Variants in ZBTB43 observed in about 807,000 individuals in gnomAD.
ZBTB43 encodes the protein zinc finger and BTB domain containing 43.
A neutral mutation model predicts 31.1 loss-of-function variants in ZBTB43; 6 were observed. The ratio of observed to expected loss-of-function variants is 0.19; its 90% CI spans 0.11 to 0.38. The LOEUF is 0.38. ZBTB43 is among the 10% of genes least tolerant of loss of function. The pLI, the probability that ZBTB43 is intolerant of heterozygous loss-of-function variation, is 1.00. For missense variants in ZBTB43, 379 were observed against 602.1 expected (o/e 0.63, Z 3.88); for synonymous variants, 212 against 221.7 (o/e 0.96, Z 0.39).
intron 2 of ZBTB43, among the ~76,000 whole-genome samples, chr9:126,814,450 A>T (rs1245261545): frequency 2.7e-5 from 4 of 148,710 alleles, no homozygotes; most frequent in African/African-American, 7.4e-5. Flanking sequence ...TTTTTTTTTT[A>T]AACTTTTGAC....
chr9:126,830,733 G>A (rs2032746342), intron 2 of ZBTB43, among the ~76,000 whole-genome samples: 1 of 151,066 alleles, frequency 6.6e-6, no homozygotes, highest in African/African-American at 2.5e-5. Flanking sequence ...TAAATCGTTT[G>A]GGTGGTTTTT....
intron 1 of ZBTB43, among the ~76,000 whole-genome samples, chr9:126,808,452 C>T (rs1049245493): frequency 6.6e-6 from 1 of 152,260 alleles, no homozygotes; most frequent in Non-Finnish European, 1.5e-5. Context: ...AGACCAATAG[C>T]ACTGTTCCAA....
chr9:126,828,645 A>ATTATTATTATTATTATTATT (rs1564206207), intron 2 of ZBTB43, among the ~76,000 whole-genome samples: 17 of 131,512 alleles, frequency 1.3e-4, no homozygotes, highest in African/African-American at 4.5e-4. Context: ...TAATAATAAT[A>ATTATTATTATTATTATTATT]ATAATAATAA....
rs1157254909 is a variant in ZBTB43 at position 126,813,000 on chromosome 9, G to A, written c.-24+4085G>A. On this transcript the variant is annotated intron_variant, in intron 2 of 2. Coordinates refer to ENST00000373464, the MANE Select transcript of ZBTB43 (RefSeq NM_014007.4). Reference sequence around the variant, plus strand: ...CTTTTTTTTTTTTTCTTTTTTTTGAGATGTAGTTTTGCTCTTGTTGCCCAG... The same window carrying A: ...CTTTTTTTTTTTTTCTTTTTTTTGAAATGTAGTTTTGCTCTTGTTGCCCAG... 4.7e-5 allele frequency among the ~76,000 whole-genome samples: 7 copies of A among 147,854 alleles called. No individual in the cohort carries two copies. In the East Asian group the frequency reaches 1.4e-3, roughly 29 times the overall value.
At position 126,832,924 on chromosome 9, in the gene ZBTB43, G is replaced by A. The variant is rs1259665074; in HGVS notation, c.415G>A (p.Asp139Asn). The change falls in exon 3 of 3, where the codon GAC (aspartate) becomes AAC (asparagine). Residue 139 changes from aspartate to asparagine, a missense_variant. By Grantham distance (23) the Asp-to-Asn change is conservative. This residue lies in a region of ZBTB43 where 253 missense variants were observed against 322.3 expected (regional missense o/e 0.79). Transcript: ENST00000373464. ...TTGTCAGAAGCTAAATCATGGCAGT[G>A]ACCACCAGTCACCAAGCAGCAGTAG... ...VLCQKLNHGS[D>N]HQSPSSSSYN... The A allele has an allele frequency of 2.5e-6, 4 of 1,613,912 alleles. No individual in the cohort carries two copies. The East Asian group carries it at 6.7e-5, about 27-fold the overall frequency.
In ZBTB43 at chr9:126,819,902, T is replaced by C. The variant is rs1017706307; in HGVS notation, c.-24+10987T>C. 1.1e-3 allele frequency among the ~76,000 whole-genome samples: 165 copies of C among 152,336 alleles called. 1 individual carries two copies. The highest frequency in any genetic ancestry group is 3.8e-4 in the Non-Finnish European group (26 of 68,028). ...GCAGCCTTAGTGCTGAGAGAAAGTT[T>C]TAGTGGTCTGAATGGAAGGTCATAC... On this transcript the variant is annotated intron_variant, in intron 2 of 2. Transcript: ENST00000373464.
chr9:126,817,768 G>T (rs568183439), intron 2 of ZBTB43, among the ~76,000 whole-genome samples: 1 of 152,134 alleles, frequency 6.6e-6, no homozygotes, highest in Non-Finnish European at 1.5e-5. Flanking sequence ...GAGCCACTGC[G>T]CCTGGCCCCA....
At chr9:126,812,975 C>CTTT (rs773159172) in intron 2 of ZBTB43, among the ~76,000 whole-genome samples, 1 of 143,700 alleles carries the variant, frequency 7.0e-6, no homozygotes, top group African/African-American at 2.6e-5. Flanking sequence ...CCCACTGTTA[C>CTTT]TTTTTTTTTT....
At position 126,825,842 on chromosome 9, in the gene ZBTB43, A is replaced by ATTTT. The variant is rs72512629; in HGVS notation, c.-23-6627_-23-6624dup. On this transcript the variant is annotated intron_variant, in intron 2 of 2. Coordinates refer to ENST00000373464, the MANE Select transcript of ZBTB43 (RefSeq NM_014007.4). ...CTTTTTCCATTTGGTTCCTTTTTATATTTTTTTTTTTTTTTTTTTTTGAGA... is the reference window on the plus strand; with the variant it reads ...CTTTTTCCATTTGGTTCCTTTTTATATTTTTTTTTTTTTTTTTTTTTTTTTGAGA... Among the ~76,000 whole-genome samples, 13 of 91,200 alleles carry ATTTT rather than the reference A, an allele frequency of 1.4e-4. 1 individual carries two copies. Among genetic ancestry groups the ATTTT allele is most frequent in the African/African-American group, 4.2e-4 (11 of 26,206 alleles). 59.8% of individuals were successfully genotyped at this position (91,200 alleles called of 152,430 possible).
At position 126,833,852 on chromosome 9, in the gene ZBTB43, C is replaced by T. The variant is rs760867054; in HGVS notation, c.1343C>T (p.Thr448Ile). 6.2e-7 allele frequency: 1 copy of T among 1,600,924 alleles called. No individual in the cohort carries two copies. The highest frequency in any genetic ancestry group is 1.1e-5 in the South Asian group (1 of 90,910). Residue 448 changes from threonine (T) to isoleucine (I), a missense_variant, in exon 3 of 3, where the codon ACT becomes ATT. This residue lies in a region of ZBTB43 where 21 missense variants were observed against 22.4 expected (regional missense o/e 0.94). Coordinates refer to ENST00000373464, the MANE Select transcript of ZBTB43 (RefSeq NM_014007.4). This position sits in a 1 kb window ranked among gnomAD's most constrained non-coding sequence, Gnocchi z 7.9. ...AGGGACAGTTTCCACCGGCATGTGACTTCTTGTACTAAGTCCTACGAAGCT... is the reference window on the plus strand; with the variant it reads ...AGGGACAGTTTCCACCGGCATGTGATTTCTTGTACTAAGTCCTACGAAGCT... ...MWRDSFHRHVTSCTKSYEAAK... is the reference protein window; with the variant it reads ...MWRDSFHRHVISCTKSYEAAK...
chr9:126,814,133 A>G (rs955794503), intron 2 of ZBTB43, among the ~76,000 whole-genome samples: 1 of 152,048 alleles, frequency 6.6e-6, no homozygotes, highest in Admixed American at 6.6e-5. Flanking sequence ...GGATACTTAT[A>G]TTTCCTGCTA....
At chr9:126,809,513 G>A (rs2032196559) in intron 2 of ZBTB43, among the ~76,000 whole-genome samples, 1 of 152,186 alleles carries the variant, frequency 6.6e-6, no homozygotes, top group Non-Finnish European at 1.5e-5. Context: ...TAAGTAGCTG[G>A]TGGGTCTGCT....
chr9:126,832,914 T>C lies in ZBTB43; in HGVS notation c.405T>C (p.Asn135=), dbSNP rs767961190. ...CTACAGTCCTTTGTCAGAAGCTAAATCATGGCAGTGACCACCAGTCACCAA... is the reference window on the plus strand; with the variant it reads ...CTACAGTCCTTTGTCAGAAGCTAAACCATGGCAGTGACCACCAGTCACCAA... ...GNPTVLCQKL[N]HGSDHQSPSS... is the part of the protein sequence containing the mutation. Residue 135 remains asparagine, a synonymous_variant, in exon 3 of 3, where the codon AAT becomes AAC. Transcript: ENST00000373464. The C allele has an allele frequency of 6.2e-7, 1 of 1,613,892 alleles. No individual in the cohort carries two copies. The highest frequency in any genetic ancestry group is 8.5e-7 in the Non-Finnish European group (1 of 1,180,020).
chr9:126,807,242 T>C (rs1268442663), intron 1 of ZBTB43, among the ~76,000 whole-genome samples: 1 of 152,268 alleles, frequency 6.6e-6, no homozygotes, highest in African/African-American at 2.4e-5. Flanking sequence ...TACGCTCTTA[T>C]CGTTTAGACT....
intron 2 of ZBTB43, among the ~76,000 whole-genome samples, chr9:126,826,011 C>CG: frequency 8.0e-6 from 1 of 124,630 alleles, no homozygotes; most frequent in Non-Finnish European, 1.8e-5. Context: ...CATGCCCAGC[C>CG]AATTTTTTTT....
chr9:126,829,428 A>T (rs2032720092), intron 2 of ZBTB43, among the ~76,000 whole-genome samples: 1 of 152,218 alleles, frequency 6.6e-6, no homozygotes, highest in African/African-American at 2.4e-5. Flanking sequence ...TTACATTACG[A>T]TACATCCATA....
intron 2 of ZBTB43, among the ~76,000 whole-genome samples, chr9:126,817,927 A>G (rs988447195): frequency 2.0e-5 from 3 of 152,140 alleles, no homozygotes; most frequent in Non-Finnish European, 4.4e-5. Context: ...GTCAGAGAAT[A>G]TGGAGAAATG....
chr9:126,830,854 A>T (rs1389330745), intron 2 of ZBTB43, among the ~76,000 whole-genome samples: 1 of 151,652 alleles, frequency 6.6e-6, no homozygotes, highest in Non-Finnish European at 1.5e-5. Flanking sequence ...TGCTTGACTT[A>T]CCCCACAGAA....
At chr9:126,819,279 ATTTTTTT>A (rs71377975) in intron 2 of ZBTB43, among the ~76,000 whole-genome samples, 8 of 100,192 alleles carry the variant, frequency 8.0e-5, no homozygotes, top group East Asian at 5.6e-4. Context: ...CGGATATTGC[ATTTTTTT>A]TTTTTTTTTT....
Sources: allele counts gnomAD v4.1 joint callset (sites outside exome capture counted in the v4.1 genomes callset), GRCh38; gene constraint gnomAD v4.1.1; regional missense constraint gnomAD v4.1.1; non-coding constraint Gnocchi (gnomAD v3.1); transcripts MANE v1.5; gene names NCBI Gene and HGNC (gene_info 2026-07-23, HGNC 2026-07-21).